TNFAIP8L3: variants seen among roughly 807,000 people sequenced by gnomAD.
TNFAIP8L3 encodes TNF alpha induced protein 8 like 3, also known as tumor necrosis factor alpha-induced protein 8-like protein 3.
A neutral mutation model predicts 11.8 loss-of-function variants in TNFAIP8L3; 7 were observed. The ratio of observed to expected loss-of-function variants is 0.59; its 90% confidence interval spans 0.34 to 1.11. The LOEUF (loss-of-function observed/expected upper bound fraction) is 1.11, where lower values mean the gene tolerates loss of function less well. Ranked by LOEUF, TNFAIP8L3 falls within the 50% of genes most tolerant of loss-of-function variation. The pLI, the probability that TNFAIP8L3 is intolerant of heterozygous loss-of-function variation, is 0.03. For synonymous variants in TNFAIP8L3, 98 were observed against 103.8 expected, an observed-to-expected ratio of 0.94 and a Z score of 0.34; for missense variants, 219 against 258.6, an observed-to-expected ratio of 0.85 and a Z score of 1.05.
At position 51,102,939 on chromosome 15, in the gene TNFAIP8L3, G is replaced by A. The variant is rs149058014; in HGVS notation, c.172+2066C>T. On this transcript the variant is annotated intron_variant, in intron 1 of 2. Coordinates refer to the TNFAIP8L3 transcript ENST00000327536. ...AGTGGAATTAACAAAAGCAGGACTT[G>A]ACCAATGCCTCTTTTCAATTTCTTT... is the stretch of plus-strand genomic sequence containing the variant. 1.6e-3 allele frequency among the ~76,000 whole-genome samples: 237 copies of A among 152,228 alleles called. 1 individual carries two copies. The highest frequency in any genetic ancestry group is 0.013 in the Admixed American group (193 of 15,298).
rs950106880 is a variant in TNFAIP8L3, at chr15:51,094,269, C to T, written c.52+275G>A. On this transcript the variant is annotated intron_variant, in intron 1 of 1. Coordinates refer to ENST00000637513, the MANE Select transcript of TNFAIP8L3 (RefSeq NM_001311175.2). This position sits in a 1 kb window ranked among gnomAD's most constrained non-coding sequence, Gnocchi z 4.4. The stretch of plus-strand genomic sequence containing the variant: ...ACTACAGTACGCGGATTCCCGAACC[C>T]TTCCCCGCCCCCACCCAGCCCGGGC... 6.6e-6 allele frequency among the ~76,000 whole-genome samples: 1 copy of T among 152,228 alleles called. No homozygotes were observed. The highest frequency in any genetic ancestry group is 2.4e-5 in the African/African-American group (1 of 41,468).
chr15:51,096,891 CAAAAAAAA>C (rs56057102), upstream of TNFAIP8L3, among the ~76,000 whole-genome samples: 1 of 98,276 alleles, frequency 1.0e-5, no homozygotes, highest in Non-Finnish European at 2.1e-5. Flanking sequence ...CACGCTGTCT[CAAAAAAAA>C]AAAAAAAAAA....
upstream of TNFAIP8L3, among the ~76,000 whole-genome samples, chr15:51,099,560 G>A (rs1359500630): frequency 2.0e-5 from 3 of 152,120 alleles, no homozygotes; most frequent in Admixed American, 6.5e-5. Context: ...GCAGCACCAG[G>A]ATCTTAGGTT....
chr15:51,101,966 AAAAG>A (rs2065556160), intron 1 of TNFAIP8L3, among the ~76,000 whole-genome samples: 1 of 149,228 alleles, frequency 6.7e-6, no homozygotes, highest in Admixed American at 6.6e-5. Context: ...AAAAAAAAAG[AAAAG>A]AAAAAGAAAA....
chr15:51,064,033 G>A (rs1450408753), intron 1 of TNFAIP8L3, among the ~76,000 whole-genome samples: 1 of 152,124 alleles, frequency 6.6e-6, no homozygotes, highest in Non-Finnish European at 1.5e-5. Flanking sequence ...CTACAGTGAG[G>A]GCTCAGGAGG....
At chr15:51,077,677 G>A (rs569136318) in intron 1 of TNFAIP8L3, among the ~76,000 whole-genome samples, 5 of 152,314 alleles carry the variant, frequency 3.3e-5, no homozygotes, top group African/African-American at 1.2e-4. Flanking sequence ...TAAGAAACCC[G>A]CAACCCAGAG....
chr15:51,056,745 A>G lies in TNFAIP8L3; in HGVS notation c.*1136T>C, dbSNP rs2065206246. The G allele has an allele frequency of 6.6e-6, 1 of 151,966 alleles. No homozygotes were observed. Among genetic ancestry groups the G allele is most frequent in the African/African-American group, 2.4e-5 (1 of 41,356 alleles). 9.4% of individuals were successfully genotyped at this position (151,966 alleles called of 1,614,324 possible). A position where few individuals can be genotyped will look rare whatever the true frequency, so the allele number is the denominator to read the frequency against. On this transcript the variant is annotated 3_prime_UTR_variant, in exon 2 of 2. Coordinates refer to ENST00000637513, the MANE Select transcript of TNFAIP8L3 (RefSeq NM_001311175.2). ...CCTCCCTGAGCTCCATGCCCCTTAG[A>G]TAAGGGAAGGCTGGTCCTGCAGAGG...
At position 51,094,712 on chromosome 15, in the gene TNFAIP8L3, C is replaced by T. The variant is rs1307928778; in HGVS notation, c.-117G>A. 1 of 984,902 alleles carries T rather than the reference C, an allele frequency of 1.0e-6. No individual in the cohort carries two copies. The highest frequency in any genetic ancestry group is 1.2e-6 in the Non-Finnish European group (1 of 832,730). The allele number at this position is 984,902 out of a possible 1,614,324, so 61.0% of individuals were successfully genotyped here. A position where few individuals can be genotyped will look rare whatever the true frequency, so the allele number is the denominator to read the frequency against. On this transcript the variant is annotated 5_prime_UTR_variant, in exon 1 of 2. Coordinates refer to ENST00000637513, the MANE Select transcript of TNFAIP8L3 (RefSeq NM_001311175.2). This position sits in a 1 kb window ranked among gnomAD's most constrained non-coding sequence, Gnocchi z 4.4. ...GCTGGAGCCCGGGCGGCGCGGGCGG[C>T]GCGGGCTGGGCGGTGCGCGGCGGCA...
At chr15:51,101,202 C>T (rs760778753) in intron 1 of TNFAIP8L3, among the ~76,000 whole-genome samples, 1 of 152,240 alleles carries the variant, frequency 6.6e-6, no homozygotes, top group African/African-American at 2.4e-5. Context: ...TCCTCCCTTT[C>T]GTCCTTCAGC....
At chr15:51,096,805 C>T (rs61064093), upstream of TNFAIP8L3, among the ~76,000 whole-genome samples, 2,489 of 149,692 alleles carry the variant, frequency 0.017, 60 homozygotes, top group African/African-American at 0.059. Context: ...GCAGGAGAAT[C>T]GCTTGAACCC....
rs1279165396 is a variant in TNFAIP8L3 at position 51,057,261 on chromosome 15, A to T, written c.*620T>A. 2.0e-5 allele frequency: 3 copies of T among 152,154 alleles called. No homozygotes were observed. Among genetic ancestry groups the T allele is most frequent in the African/African-American group, 7.2e-5 (3 of 41,420 alleles). 9.4% of individuals were successfully genotyped at this position (152,154 alleles called of 1,614,324 possible). On this transcript the variant is annotated 3_prime_UTR_variant, in exon 2 of 2. Transcript: ENST00000637513. ...TTCCAATTTGCAGCTATACTTTTTC[A>T]CACCTTTGGATTTCACTTTGTCTGA...
At chr15:51,100,249 T>C (rs770206694) in intron 1 of TNFAIP8L3, among the ~76,000 whole-genome samples, 2 of 152,254 alleles carry the variant, frequency 1.3e-5, no homozygotes, top group Non-Finnish European at 1.5e-5. Context: ...TTACACAGTT[T>C]CCTTGCTGCT....
upstream of TNFAIP8L3, among the ~76,000 whole-genome samples, chr15:51,099,192 G>A (rs910373621): frequency 6.6e-6 from 1 of 152,186 alleles, no homozygotes; most frequent in African/African-American, 2.4e-5. Flanking sequence ...GCCCAGAGGA[G>A]GTTTAGGAGA....
chr15:51,087,013 C>T (rs570963777), intron 1 of TNFAIP8L3, among the ~76,000 whole-genome samples: 7 of 152,086 alleles, frequency 4.6e-5, no homozygotes, highest in African/African-American at 1.2e-4. Context: ...CTCAGCCTCC[C>T]GAGTAGCTAG....
At chr15:51,073,377 T>C (rs577024262) in intron 1 of TNFAIP8L3, among the ~76,000 whole-genome samples, 3 of 152,344 alleles carry the variant, frequency 2.0e-5, no homozygotes, top group Admixed American at 2.0e-4. Context: ...TTCTTCTGTG[T>C]CCTTCAATTA....
intron 1 of TNFAIP8L3, among the ~76,000 whole-genome samples, chr15:51,081,726 C>T (rs574521946): frequency 1.3e-5 from 2 of 152,246 alleles, no homozygotes; most frequent in Non-Finnish European, 2.9e-5. Context: ...CATCCATTCC[C>T]TGAGTCTCGG....
Position 51,100,392 on chromosome 15 carries a change from T to A in TNFAIP8L3, c.172+4613A>T, listed in dbSNP as rs150503371. On this transcript the variant is annotated intron_variant, in intron 1 of 2. Transcript: ENST00000327536. ...TGGCTCTAGTTTATTCTACTTATTT[T>A]TTTTTTTTAAAGACAACAACAAGAG... Among the ~76,000 whole-genome samples, 333 of 152,232 alleles carry A rather than the reference T, an allele frequency of 2.2e-3. 1 individual carries two copies. The highest frequency in any genetic ancestry group is 3.9e-3 in the Non-Finnish European group (267 of 67,998).
intron 1 of TNFAIP8L3, among the ~76,000 whole-genome samples, chr15:51,066,437 C>T (rs931684917): frequency 6.6e-6 from 1 of 152,200 alleles, no homozygotes; most frequent in African/African-American, 2.4e-5. Flanking sequence ...GCTGGAATTA[C>T]AGGCATTGAG....
At chr15:51,076,070 C>A (rs1285082208) in intron 1 of TNFAIP8L3, among the ~76,000 whole-genome samples, 1 of 152,038 alleles carries the variant, frequency 6.6e-6, no homozygotes, top group Non-Finnish European at 1.5e-5. Flanking sequence ...GGATTTCAGT[C>A]AATCTGAATG....
Sources: allele counts gnomAD v4.1 joint callset (sites outside exome capture counted in the v4.1 genomes callset), GRCh38; gene constraint gnomAD v4.1.1; non-coding constraint Gnocchi (gnomAD v3.1); transcripts MANE v1.5; gene names NCBI Gene and HGNC (gene_info 2026-07-23, HGNC 2026-07-21).